Variants in NTN4 observed in about 807,000 individuals in gnomAD.
NTN4 encodes the protein netrin 4.
In NTN4, 32 loss-of-function variants were observed where a neutral mutation model predicts 73.6. The observed-to-expected ratio is 0.44, with a 90% CI of 0.33 to 0.58. The LOEUF is 0.58. NTN4 is among the 20% of genes least tolerant of loss of function. The probability of loss-of-function intolerance (pLI) is 0.04; values close to 1 mark genes in which losing one functional copy is unlikely to be tolerated. For synonymous variants in NTN4, 258 were observed against 287.5 expected, an observed-to-expected ratio of 0.90 and a Z score of 1.04; for missense variants, 654 against 798.3, an observed-to-expected ratio of 0.82 and a Z score of 2.18.
At chr12:95,662,525 C>T (rs969976676) in intron 9 of NTN4, among the ~76,000 whole-genome samples, 3 of 151,948 alleles carry the variant, frequency 2.0e-5, no homozygotes, top group African/African-American at 7.2e-5. Context: ...ACCACTGCAC[C>T]CTGCTAAAAG....
chr12:95,703,457 A>G (rs189924292), intron 5 of NTN4, among the ~76,000 whole-genome samples: 2 of 152,208 alleles, frequency 1.3e-5, no homozygotes, highest in Non-Finnish European at 2.9e-5. Flanking sequence ...AGTGTGTGCT[A>G]TAGAACACGG....
intron 2 of NTN4, among the ~76,000 whole-genome samples, chr12:95,766,820 T>C (rs1460252350): frequency 1.3e-5 from 2 of 152,216 alleles, no homozygotes; most frequent in Admixed American, 6.5e-5. Context: ...CATTCGCTTT[T>C]TTGGCAGTCA....
In NTN4 at chr12:95,736,159, G is replaced by C. The variant is rs991220701; in HGVS notation, c.864+1707C>G. 1.6e-3 allele frequency among the ~76,000 whole-genome samples: 248 copies of C among 152,094 alleles called. 1 individual carries two copies. The highest frequency in any genetic ancestry group is 2.3e-3 in the Non-Finnish European group (154 of 67,988). ...TTGCTGTGTTGGCCAGGCTGGTCTG[G>C]AACTCCTGACCTCAGGTGATCCACC... On this transcript the variant is annotated intron_variant, in intron 3 of 9. Coordinates refer to ENST00000343702, the MANE Select transcript of NTN4 (RefSeq NM_021229.4).
At chr12:95,702,780 C>T (rs12813721) in intron 5 of NTN4, among the ~76,000 whole-genome samples, 47,985 of 150,544 alleles carry the variant, frequency 0.32, 8,088 homozygotes, top group South Asian at 0.47. Context: ...CTGAACTAAA[C>T]TGAGCTACAA....
At chr12:95,687,554 C>T (rs966330450) in intron 5 of NTN4, among the ~76,000 whole-genome samples, 4 of 151,910 alleles carry the variant, frequency 2.6e-5, no homozygotes, top group African/African-American at 9.7e-5. Context: ...GTGCCTACCA[C>T]CATACCGGCT....
chr12:95,756,099 G>A (rs149092616), intron 2 of NTN4, among the ~76,000 whole-genome samples: 7 of 152,208 alleles, frequency 4.6e-5, no homozygotes, highest in African/African-American at 1.7e-4. Flanking sequence ...GTTAAGACTG[G>A]AATCAAAATC....
At chr12:95,667,134 G>A (rs2078186850) in intron 8 of NTN4, among the ~76,000 whole-genome samples, 1 of 151,954 alleles carries the variant, frequency 6.6e-6, no homozygotes. Context: ...GGGTCGGAAA[G>A]AAAGTAAAGC....
At chr12:95,721,931 C>T (rs554727252) in intron 3 of NTN4, among the ~76,000 whole-genome samples, 56 of 152,242 alleles carry the variant, frequency 3.7e-4, no homozygotes, top group East Asian at 1.7e-3. Context: ...CACACGTGCG[C>T]GCACACACAC....
chr12:95,687,897 T>C (rs2078373732), intron 5 of NTN4, among the ~76,000 whole-genome samples: 1 of 152,222 alleles, frequency 6.6e-6, no homozygotes, highest in South Asian at 2.1e-4. Context: ...GTGGGAATCC[T>C]ATGTGAAAGA....
At chr12:95,734,195 TATC>T (rs2078759194) in intron 3 of NTN4, among the ~76,000 whole-genome samples, 1 of 152,188 alleles carries the variant, frequency 6.6e-6, no homozygotes, top group Non-Finnish European at 1.5e-5. Context: ...CCTAATTTGC[TATC>T]ATCAGCCATA....
Position 95,790,709 on chromosome 12 carries a change from C to A in NTN4, c.-400G>T. 6.3e-6 allele frequency: 1 copy of A among 159,910 alleles called. No homozygotes were observed. The highest frequency in any genetic ancestry group is 1.8e-4 in the South Asian group (1 of 5,604). The allele number at this position is 159,910 out of a possible 1,614,324, so 9.9% of individuals were successfully genotyped here. ...GCCGCCGCCGCCTCCTCCTGGGCGT[C>A]CTCCTCCGCTTTTCCCACCTCTTCT... On this transcript the variant is annotated 5_prime_UTR_variant, in exon 1 of 10. Coordinates refer to ENST00000343702, the MANE Select transcript of NTN4 (RefSeq NM_021229.4). The surrounding 1 kb of genome is among the most constrained non-coding windows in gnomAD (Gnocchi z 6.5).
At chr12:95,721,320 A>G (rs2078646197) in intron 3 of NTN4, among the ~76,000 whole-genome samples, 1 of 152,222 alleles carries the variant, frequency 6.6e-6, no homozygotes, top group South Asian at 2.1e-4. Context: ...GAAGAAGCCA[A>G]GCAGTTTTGA....
At chr12:95,683,033 T>C (rs1308526523) in intron 6 of NTN4, among the ~76,000 whole-genome samples, 1 of 150,872 alleles carries the variant, frequency 6.6e-6, no homozygotes, top group Non-Finnish European at 1.5e-5. Context: ...ATTACTTGAG[T>C]TTGTAATTAG....
intron 6 of NTN4, 44 bp from the exon 7 acceptor site, chr12:95,682,866 T>C (rs748954520): frequency 2.6e-6 from 3 of 1,156,358 alleles, no homozygotes; most frequent in Non-Finnish European, 3.9e-6. Flanking sequence ...AGGAATTTTT[T>C]AGAACTTGTA....
intron 7 of NTN4, among the ~76,000 whole-genome samples, chr12:95,677,597 C>T (rs1010833156): frequency 7.9e-5 from 12 of 152,176 alleles, no homozygotes; most frequent in African/African-American, 2.9e-4. Flanking sequence ...TCAAATTCAG[C>T]AACGTATGAA....
At chr12:95,749,484 A>G (rs1206956619) in intron 2 of NTN4, among the ~76,000 whole-genome samples, 1 of 151,874 alleles carries the variant, frequency 6.6e-6, no homozygotes, top group Non-Finnish European at 1.5e-5. Flanking sequence ...TCCCTCAACC[A>G]CTTTCTCCTT....
chr12:95,748,712 C>A (rs535266780), intron 2 of NTN4, among the ~76,000 whole-genome samples: 1 of 152,230 alleles, frequency 6.6e-6, no homozygotes, highest in East Asian at 1.9e-4. Flanking sequence ...CTCAGGTGAT[C>A]CACCCAGCTT....
At chr12:95,741,301 TATATATG>T (rs2078821741) in intron 2 of NTN4, among the ~76,000 whole-genome samples, 1 of 147,114 alleles carries the variant, frequency 6.8e-6, no homozygotes, top group Admixed American at 6.8e-5. Context: ...ATAAATGAAT[TATATATG>T]ATATATAATT....
intron 7 of NTN4, chr12:95,672,560 C>T (rs2078241238): frequency 2.0e-5 from 30 of 1,522,978 alleles, no homozygotes; most frequent in Non-Finnish European, 2.4e-5. Context: ...GAGGACTTGG[C>T]GCCTCAATGA....
Sources: gnomAD v4.1 joint callset for allele counts (sites outside exome capture counted in the v4.1 genomes callset) on GRCh38, gnomAD v4.1.1 for gene constraint, Gnocchi (gnomAD v3.1) non-coding constraint, MANE v1.5 for transcripts, NCBI Gene and HGNC (gene_info 2026-07-23, HGNC 2026-07-21) for gene names.